The following FAM24B variants were observed in gnomAD, a reference collection of about 807,000 sequenced individuals.
FAM24B encodes family with sequence similarity 24 member B, also known as protein FAM24B.
FAM24B carries 3 observed loss-of-function variants against 2.3 expected under a neutral mutation model. That is an observed-to-expected ratio of 1.29 (90% CI 0.59 to 3.32). The LOEUF (loss-of-function observed/expected upper bound fraction) is 3.32. Ranked by LOEUF, FAM24B falls within the 30% of genes most tolerant of loss-of-function variation. FAM24B has a pLI of 0.03. For missense variants in FAM24B, 98 were observed against 117.2 expected (o/e 0.84, Z 0.76); for synonymous variants, 36 against 46.3 (o/e 0.78, Z 0.90).
intron 2 of FAM24B, among the ~76,000 whole-genome samples, chr10:122,855,006 C>G (rs1217992053): frequency 1.3e-5 from 2 of 152,228 alleles, no homozygotes; most frequent in African/African-American, 4.8e-5. Flanking sequence ...TGTGCCTCCT[C>G]CACAGCTCCT....
chr10:122,854,165 A>G (rs1426021039), intron 2 of FAM24B, among the ~76,000 whole-genome samples: 1 of 152,008 alleles, frequency 6.6e-6, no homozygotes, highest in Non-Finnish European at 1.5e-5. Flanking sequence ...ACCCTGACCA[A>G]TATTATTTCA....
intron 1 of FAM24B, among the ~76,000 whole-genome samples, chr10:122,869,230 C>G (rs1313534411): frequency 1.3e-5 from 2 of 152,184 alleles, no homozygotes; most frequent in Non-Finnish European, 2.9e-5. Flanking sequence ...ACAAGAAGAA[C>G]TAACTATCCT....
At chr10:122,873,776 A>G (rs1251249774) in intron 1 of FAM24B, among the ~76,000 whole-genome samples, 1 of 152,188 alleles carries the variant, frequency 6.6e-6, no homozygotes, top group Non-Finnish European at 1.5e-5. Context: ...GTTTCCCTGT[A>G]AGCACTGCTC....
At chr10:122,857,112 C>T (rs554548329) in intron 1 of FAM24B, among the ~76,000 whole-genome samples, 2 of 152,358 alleles carry the variant, frequency 1.3e-5, no homozygotes, top group East Asian at 3.9e-4. Flanking sequence ...TTTACTTCTC[C>T]TTCCCAGGCT....
At chr10:122,871,277 AAAT>A (rs1246304747) in intron 1 of FAM24B, among the ~76,000 whole-genome samples, 4 of 152,178 alleles carry the variant, frequency 2.6e-5, no homozygotes, top group African/African-American at 9.6e-5. Context: ...CTGCTCAATG[AAAT>A]AAAAGAGGAT....
chr10:122,860,815 A>T (rs1456516788), intron 1 of FAM24B, among the ~76,000 whole-genome samples: 2 of 152,142 alleles, frequency 1.3e-5, no homozygotes, highest in Non-Finnish European at 2.9e-5. Context: ...CCATATGCTT[A>T]TTGGTAGATA....
intron 1 of FAM24B, among the ~76,000 whole-genome samples, chr10:122,863,707 C>A (rs1202926257): frequency 6.6e-6 from 1 of 152,232 alleles, no homozygotes; most frequent in Non-Finnish European, 1.5e-5. Flanking sequence ...CTCAAAACTT[C>A]ATTACCATCC....
chr10:122,868,251 C>T (rs1037443984), intron 1 of FAM24B, among the ~76,000 whole-genome samples: 20 of 151,456 alleles, frequency 1.3e-4, no homozygotes, highest in Admixed American at 4.6e-4. Context: ...TAAAAAGAAA[C>T]GAACAAAGCC....
rs563727295 is a variant in FAM24B, at chr10:122,859,241, G to A, written c.-177-3455C>T. ...AATAGGATGACACCAAACAAAACAC[G>A]TTGGATGACTGCGATGTGAGTTGTG... On this transcript the variant is annotated intron_variant, in intron 1 of 3. Coordinates refer to ENST00000368898, the MANE Select transcript of FAM24B (RefSeq NM_152644.3). Among the ~76,000 whole-genome samples the A allele has an allele frequency of 5.3e-5, 8 of 152,302 alleles. No homozygotes were observed. The South Asian group carries it at 8.3e-4, about 16-fold the overall frequency.
chr10:122,854,851 TCCTGTGACTAACA>T (rs1242142619), intron 2 of FAM24B, among the ~76,000 whole-genome samples: 2 of 152,214 alleles, frequency 1.3e-5, no homozygotes, highest in African/African-American at 2.4e-5. Context: ...GAACTGCCCA[TCCTGTGACTAACA>T]CCTGTGACTA....
intron 1 of FAM24B, among the ~76,000 whole-genome samples, chr10:122,872,967 A>T (rs190505265): frequency 6.6e-6 from 1 of 152,290 alleles, no homozygotes; most frequent in East Asian, 1.9e-4. Flanking sequence ...TAAAAAAAGA[A>T]CAGGTTGAAG....
intron 1 of FAM24B, among the ~76,000 whole-genome samples, chr10:122,856,516 G>T (rs151241042): frequency 3.2e-4 from 48 of 152,270 alleles, no homozygotes; most frequent in African/African-American, 1.1e-3. Flanking sequence ...CCTGGGGGAG[G>T]TCATAAAGCC....
intron 1 of FAM24B, among the ~76,000 whole-genome samples, chr10:122,856,744 C>T (rs1414410250): frequency 6.6e-6 from 1 of 152,182 alleles, no homozygotes; most frequent in Non-Finnish European, 1.5e-5. Context: ...CTCCAGCCCC[C>T]TCTCCCCTGG....
intron 2 of FAM24B, among the ~76,000 whole-genome samples, chr10:122,852,002 A>C (rs1847546881): frequency 6.6e-6 from 1 of 152,226 alleles, no homozygotes; most frequent in Non-Finnish European, 1.5e-5. Context: ...TGGGATTGAC[A>C]GAAGAATCAG....
intron 1 of FAM24B, among the ~76,000 whole-genome samples, chr10:122,873,006 AAAAT>A (rs1324212862): frequency 3.9e-5 from 6 of 152,320 alleles, no homozygotes; most frequent in Admixed American, 2.6e-4. Context: ...TGAGGTTTAA[AAAAT>A]AAACCATCTC....
rs1388909257 is a variant in FAM24B, at chr10:122,849,303, A to G, written c.229T>C (p.Cys77Arg). 6.3e-7 allele frequency: 1 copy of G among 1,596,932 alleles called. No homozygotes were observed. The highest frequency in any genetic ancestry group is 1.3e-5 in the African/African-American group (1 of 74,358). Residue 77 changes from cysteine to arginine, a missense_variant, in exon 4 of 4, where the codon TGT becomes CGT. Cys to Arg is a radical substitution (Grantham distance 180, BLOSUM62 -3). Transcript: ENST00000368898. ...ALQCCEGYRM[C>R]ASFDSLPPCC... ...GGTGGCAGGGAATCAAAACTGGCAC[A>G]CATTCTATATCCTTCACAGCACTGC...
At chr10:122,872,081 A>C (rs1336999147) in intron 1 of FAM24B, among the ~76,000 whole-genome samples, 1 of 152,242 alleles carries the variant, frequency 6.6e-6, no homozygotes, top group Non-Finnish European at 1.5e-5. Flanking sequence ...TGAACTCAAA[A>C]CAAATTTACA....
chr10:122,869,854 C>T (rs1190481375), intron 1 of FAM24B, among the ~76,000 whole-genome samples: 1 of 152,038 alleles, frequency 6.6e-6, no homozygotes, highest in Admixed American at 6.5e-5. Flanking sequence ...AATTGACACC[C>T]TAACATCACA....
intron 1 of FAM24B, among the ~76,000 whole-genome samples, chr10:122,864,244 G>A (rs748069395): frequency 7.2e-5 from 11 of 152,142 alleles, no homozygotes; most frequent in Admixed American, 1.3e-4. Context: ...TTTTGGCATT[G>A]ATGAATAATG....
Sources: allele counts gnomAD v4.1 joint callset (sites outside exome capture counted in the v4.1 genomes callset), GRCh38; gene constraint gnomAD v4.1.1; transcripts MANE v1.5; gene names NCBI Gene and HGNC (gene_info 2026-07-23, HGNC 2026-07-21).